The following FAM222B variants were observed in gnomAD, a reference collection of about 807,000 sequenced individuals.
FAM222B encodes the protein protein FAM222B.
A neutral mutation model predicts 38.0 loss-of-function variants in FAM222B; 12 were observed. The ratio of observed to expected loss-of-function variants is 0.32; its 90% CI spans 0.20 to 0.51. The LOEUF is 0.51. Ranked by LOEUF, FAM222B falls within the 20% of genes least tolerant of loss-of-function variation. The pLI is 0.97. For synonymous variants in FAM222B, 329 were observed against 317.2 expected, an observed-to-expected ratio of 1.04 and a Z score of -0.40; for missense variants, 716 against 754.2, an observed-to-expected ratio of 0.95 and a Z score of 0.59.
chr17:28,781,380 T>C (rs2036162143), intron 1 of FAM222B, among the ~76,000 whole-genome samples: 1 of 151,962 alleles, frequency 6.6e-6, no homozygotes, highest in Non-Finnish European at 1.5e-5. Context: ...TATATATATA[T>C]ATATAAATTG....
intron 1 of FAM222B, among the ~76,000 whole-genome samples, chr17:28,823,199 T>G (rs994931275): frequency 1.3e-5 from 2 of 152,030 alleles, no homozygotes; most frequent in African/African-American, 4.8e-5. Context: ...TTCTTCATCT[T>G]ATTTTTCCCC....
At chr17:28,827,301 T>C (rs1457922456) in intron 1 of FAM222B, among the ~76,000 whole-genome samples, 1 of 151,810 alleles carries the variant, frequency 6.6e-6, no homozygotes, top group Non-Finnish European at 1.5e-5. Flanking sequence ...GAAGCTGCAG[T>C]GAGCTATGAC....
At chr17:28,843,489 C>T (rs540855786), upstream of FAM222B, among the ~76,000 whole-genome samples, 3 of 139,252 alleles carry the variant, frequency 2.2e-5, no homozygotes, top group African/African-American at 5.4e-5. Context: ...CTCTTGTTGC[C>T]CAGGCTGGAG....
At chr17:28,829,510 C>T (rs2038581804) in intron 1 of FAM222B, among the ~76,000 whole-genome samples, 1 of 152,162 alleles carries the variant, frequency 6.6e-6, no homozygotes, top group Non-Finnish European at 1.5e-5. Flanking sequence ...AATCACTGAT[C>T]TGTTCCCCAC....
chr17:28,841,909 CA>C (rs990453017), intron 1 of FAM222B, among the ~76,000 whole-genome samples: 12 of 152,142 alleles, frequency 7.9e-5, no homozygotes, highest in Non-Finnish European at 1.6e-4. Flanking sequence ...AAAGAAAGCA[CA>C]TATGTGTCTA....
At chr17:28,775,886 A>C (rs1294182605) in intron 1 of FAM222B, among the ~76,000 whole-genome samples, 3 of 151,102 alleles carry the variant, frequency 2.0e-5, no homozygotes, top group Non-Finnish European at 4.4e-5. Flanking sequence ...ATCTCCAAAA[A>C]AAAAAACAAA....
At chr17:28,766,788 G>T in intron 1 of FAM222B, 81 bp from the exon 2 acceptor site, 1 of 767,128 alleles carries the variant, frequency 1.3e-6, no homozygotes, top group Non-Finnish European at 2.2e-6. Context: ...TATGACTGGC[G>T]TGAGGCCCAA....
rs34242589 is a variant in FAM222B, at chr17:28,796,994, CTT to C, written c.-40-30289_-40-30288del. On this transcript the variant is annotated intron_variant, in intron 1 of 2. Coordinates refer to ENST00000581407, the MANE Select transcript of FAM222B (RefSeq NM_001077498.3). ...GTAGAAGCCAGTTAAGTGGCTATTG[CTT>C]TTTTTTTTTTTTTTTTTTTTTTTGA... Among the ~76,000 whole-genome samples the C allele has an allele frequency of 3.4e-3, 280 of 81,564 alleles. 1 individual carries two copies. Among genetic ancestry groups the C allele is most frequent in the African/African-American group, 0.013 (263 of 20,514 alleles). The allele number at this position is 81,564 out of a possible 152,430, so 53.5% of individuals were successfully genotyped here.
chr17:28,834,692 T>A (rs2038777483), intron 1 of FAM222B: 1 of 152,136 alleles, frequency 6.6e-6, no homozygotes. Context: ...GACTCAGAAC[T>A]ATTTATGTGT....
At chr17:28,770,290 A>G (rs2035561807) in intron 1 of FAM222B, among the ~76,000 whole-genome samples, 1 of 152,192 alleles carries the variant, frequency 6.6e-6, no homozygotes, top group Non-Finnish European at 1.5e-5. Context: ...ATTGTTATTA[A>G]TTTTTTGAGG....
chr17:28,833,009 T>TAAAAAAA (rs779596504), intron 1 of FAM222B, among the ~76,000 whole-genome samples: 1 of 90,800 alleles, frequency 1.1e-5, no homozygotes, highest in Non-Finnish European at 2.1e-5. Flanking sequence ...CTGTCTCTAT[T>TAAAAAAA]AAAAAAAAAA....
chr17:28,767,775 C>T (rs1403929268), intron 1 of FAM222B, among the ~76,000 whole-genome samples: 2 of 152,152 alleles, frequency 1.3e-5, no homozygotes, highest in East Asian at 1.9e-4. Flanking sequence ...CGCACCCGGC[C>T]GAACTCACTT....
intron 1 of FAM222B, among the ~76,000 whole-genome samples, chr17:28,829,531 G>T (rs2038583538): frequency 1.3e-5 from 2 of 152,148 alleles, no homozygotes; most frequent in African/African-American, 4.8e-5. Flanking sequence ...TGTCCTTATA[G>T]TTGAGTTTTC....
chr17:28,765,622 A>G (rs976669001), intron 2 of FAM222B, among the ~76,000 whole-genome samples: 1 of 152,250 alleles, frequency 6.6e-6, no homozygotes, highest in Non-Finnish European at 1.5e-5. Flanking sequence ...TATACATGGT[A>G]ATGTGCCAAG....
At chr17:28,786,265 T>G (rs970557095) in intron 1 of FAM222B, among the ~76,000 whole-genome samples, 2 of 152,140 alleles carry the variant, frequency 1.3e-5, no homozygotes, top group Admixed American at 6.6e-5. Context: ...CACTTTGAAA[T>G]CAATTCATAG....
rs547346802 is a variant in FAM222B at position 28,853,281 on chromosome 17, T to C, written c.-41+1669A>G. Among the ~76,000 whole-genome samples, 11 of 151,844 alleles carry C rather than the reference T, an allele frequency of 7.2e-5. No individual in the cohort carries two copies. The East Asian group carries it at 2.1e-3, about 29-fold the overall frequency. ...AGCAGGGCTGAGGTGGGAGGAACGC[T>C]TGAGACTGGGAGGTCGAGGCTGTAG... On this transcript the variant is annotated intron_variant, in intron 1 of 2. Transcript: ENST00000577513.
intron 1 of FAM222B, among the ~76,000 whole-genome samples, chr17:28,822,445 G>A: frequency 6.8e-6 from 1 of 146,450 alleles, no homozygotes; most frequent in East Asian, 2.4e-4. Context: ...CCAACATGGT[G>A]AAACCCCGTC....
chr17:28,845,692 G>A (rs1323045620), upstream of FAM222B, among the ~76,000 whole-genome samples: 1 of 151,674 alleles, frequency 6.6e-6, no homozygotes, highest in Non-Finnish European at 1.5e-5. Flanking sequence ...TCAGGAGATC[G>A]AGACCATTCT....
At chr17:28,790,896 TTTTTTTTTTTTTTTTTTTTA>T (rs1183141044) in intron 1 of FAM222B, among the ~76,000 whole-genome samples, 3 of 102,086 alleles carry the variant, frequency 2.9e-5, no homozygotes, top group South Asian at 1.1e-3. Context: ...TTTTTTTTTT[TTTTTTTTTTTTTTTTTTTTA>T]GAGACAGAAT....
Sources: gnomAD v4.1 joint callset for allele counts (sites outside exome capture counted in the v4.1 genomes callset) on GRCh38, gnomAD v4.1.1 for gene constraint, MANE v1.5 for transcripts, NCBI Gene and HGNC (gene_info 2026-07-23, HGNC 2026-07-21) for gene names.